TNFRSF12A: variants seen among roughly 807,000 people sequenced by gnomAD.
TNFRSF12A encodes the protein tumor necrosis factor receptor superfamily member 12A.
In TNFRSF12A, 13 loss-of-function variants were observed where a neutral mutation model predicts 15.5. That is an observed-to-expected ratio of 0.84 (90% CI 0.54 to 1.33). TNFRSF12A has a LOEUF of 1.33. Among genes scored for constraint, TNFRSF12A ranks in the 40% most tolerant of loss-of-function variants. The pLI, the probability that TNFRSF12A is intolerant of heterozygous loss-of-function variation, is 0.00. For synonymous variants in TNFRSF12A, 89 were observed against 78.4 expected (o/e 1.14, Z -0.71); for missense variants, 174 against 173.6 (o/e 1.00, Z -0.01).
In TNFRSF12A at chr16:3,021,707, T is replaced by C; in HGVS notation, c.334+18T>C. 1 of 1,612,254 alleles carries C rather than the reference T, an allele frequency of 6.2e-7. No individual in the cohort carries two copies. The highest frequency in any genetic ancestry group is 8.5e-7 in the Non-Finnish European group (1 of 1,178,958). On this transcript the variant is annotated intron_variant, in intron 3 of 3. Transcript: ENST00000326577. ...GTTCACCAGTAAGTGTGCCCTGGCCTGCCCAGCCCTGTCAGCACTCGACCT... is the reference window on the plus strand; with the variant it reads ...GTTCACCAGTAAGTGTGCCCTGGCCCGCCCAGCCCTGTCAGCACTCGACCT...
At position 3,021,689 on chromosome 16, in the gene TNFRSF12A, A is replaced by G. The variant is rs774461621; in HGVS notation, c.334A>G (p.Thr112Ala). The G allele has an allele frequency of 6.2e-7, 1 of 1,613,604 alleles. No individual in the cohort carries two copies. The highest frequency in any genetic ancestry group is 1.1e-5 in the South Asian group (1 of 91,034). ...RRCRRREKFTTPIEETGGEGC... is the reference protein window; with the variant it reads ...RRCRRREKFTAPIEETGGEGC... The stretch of plus-strand genomic sequence containing the variant: ...ATGCCGCAGGAGAGAGAAGTTCACC[A>G]GTAAGTGTGCCCTGGCCTGCCCAGC... The change falls in exon 3 of 4, where the codon ACC (threonine) becomes GCC (alanine). Residue 112 changes from threonine (T) to alanine (A), a missense_variant and splice_region_variant. Coordinates refer to ENST00000326577, the MANE Select transcript of TNFRSF12A (RefSeq NM_016639.3).
intron 1 of TNFRSF12A, 43 bp downstream of exon 1, chr16:3,020,534 G>A: frequency 8.0e-7 from 1 of 1,250,270 alleles, no homozygotes; most frequent in Non-Finnish European, 1.0e-6. Context: ...GCCGGGGCTC[G>A]GGAGCCGGAC....
chr16:3,021,176 G>A, intron 1 of TNFRSF12A, 39 bp from the exon 2 acceptor site: 1 of 1,155,982 alleles, frequency 8.7e-7, no homozygotes, highest in Non-Finnish European at 1.2e-6. Flanking sequence ...GAATAGCCGA[G>A]TCCCGCCCCC....
chr16:3,020,563 C>T (rs747968761), intron 1 of TNFRSF12A, 72 bp downstream of exon 1: 29 of 1,118,824 alleles, frequency 2.6e-5, no homozygotes, highest in Non-Finnish European at 3.2e-5. Flanking sequence ...TGGAGAACAG[C>T]GCCGAACTGG....
Position 3,020,408 on chromosome 16 carries a change from G to T in TNFRSF12A, c.11G>T (p.Gly4Val). 7.7e-7 allele frequency: 1 copy of T among 1,290,796 alleles called. No individual in the cohort carries two copies. The highest frequency in any genetic ancestry group is 9.8e-7 in the Non-Finnish European group (1 of 1,018,924). The allele number at this position is 1,290,796 out of a possible 1,614,324, so 80.0% of individuals were successfully genotyped here. ...CGCAGGACGTGCACTATGGCTCGGG[G>T]CTCGCTGCGCCGGTTGCTGCGGCTC... Reference protein sequence around the residue: MARGSLRRLLRLLV... With the variant: MARVSLRRLLRLLV... The change falls in exon 1 of 4, where the codon GGC (glycine) becomes GTC (valine). Residue 4 changes from glycine (G) to valine (V), a missense_variant. Coordinates refer to ENST00000326577, the MANE Select transcript of TNFRSF12A (RefSeq NM_016639.3).
At chr16:3,020,722 G>A (rs2072602047) in intron 1 of TNFRSF12A, 1 of 399,592 alleles carries the variant, frequency 2.5e-6, no homozygotes, top group African/African-American at 2.1e-5. Flanking sequence ...GGGGTCTTCA[G>A]TTCCACAAGT....
In TNFRSF12A at chr16:3,021,502, G is replaced by C. The variant is rs538341712; in HGVS notation, c.200-53G>C. 254 of 1,522,946 alleles carry C rather than the reference G, an allele frequency of 1.7e-4. 2 individuals are homozygous for C. The South Asian group carries it at 3.1e-3, about 18-fold the overall frequency. 94.3% of individuals were successfully genotyped at this position (1,522,946 alleles called of 1,614,324 possible). A position where few individuals can be genotyped will look rare whatever the true frequency, so the allele number is the denominator to read the frequency against. ...AGAAGGCAGAAGGCTCAGTCTTAGG[G>C]GGCGGGGCTGGCCTGGAGAGGGGCG... is the stretch of plus-strand genomic sequence containing the variant. On this transcript the variant is annotated intron_variant, in intron 2 of 3. Coordinates refer to ENST00000326577, the MANE Select transcript of TNFRSF12A (RefSeq NM_016639.3).
intron 2 of TNFRSF12A, 29 bp from the exon 3 acceptor site, chr16:3,021,526 C>G: frequency 6.4e-7 from 1 of 1,563,838 alleles, no homozygotes; most frequent in Non-Finnish European, 8.6e-7. Context: ...TGGAGAGGGG[C>G]GAGGTCTGAC....
chr16:3,021,165 A>C (rs1463894535), intron 1 of TNFRSF12A, 50 bp from the exon 2 acceptor site: 2 of 1,022,290 alleles, frequency 2.0e-6, no homozygotes, highest in Non-Finnish European at 2.8e-6. Context: ...CTCAGACCCC[A>C]GAATAGCCGA....
At chr16:3,020,787 G>C (rs8052002) in intron 1 of TNFRSF12A, 98,749 of 399,770 alleles carry the variant, frequency 0.25, 12,589 homozygotes, top group South Asian at 0.28. Context: ...GTTTAGTCTA[G>C]GAAGGGGCAC....
rs188709134 is a variant in TNFRSF12A at position 3,021,443 on chromosome 16, G to C, written c.200-112G>C. On this transcript the variant is annotated intron_variant, in intron 2 of 3. Coordinates refer to ENST00000326577, the MANE Select transcript of TNFRSF12A (RefSeq NM_016639.3). The stretch of plus-strand genomic sequence containing the variant: ...ATTCGGGAGGAGGTGGGAGCTGGGA[G>C]GGGGCTCCGGTCAGGGAGGAGGCCA... 230 of 1,426,076 alleles carry C rather than the reference G, an allele frequency of 1.6e-4. 1 individual carries two copies. The African/African-American group carries it at 3.1e-3, about 19-fold the overall frequency. The allele number at this position is 1,426,076 out of a possible 1,614,324, so 88.3% of individuals were successfully genotyped here.
chr16:3,020,834 C>T, intron 1 of TNFRSF12A: 1 of 408,002 alleles, frequency 2.5e-6, no homozygotes, highest in African/African-American at 2.1e-5. Context: ...TAACTAGCCC[C>T]AGTGATCGAC....
chr16:3,021,157 C>G (rs762444544), intron 1 of TNFRSF12A, 58 bp from the exon 2 acceptor site: 8 of 939,964 alleles, frequency 8.5e-6, no homozygotes, highest in Non-Finnish European at 1.2e-5. Flanking sequence ...ACCCTGACCT[C>G]AGACCCCAGA....
chr16:3,021,777 T>G lies in TNFRSF12A; in HGVS notation c.341T>G (p.Ile114Arg). Residue 114 changes from isoleucine (I) to arginine (R), a missense_variant, in exon 4 of 4, where the codon ATA becomes AGA. By Grantham distance (97) the Ile-to-Arg change is moderately conservative. Coordinates refer to ENST00000326577, the MANE Select transcript of TNFRSF12A (RefSeq NM_016639.3). ...CCCACCTCTTATCTTGCAGCCCCCA[T>G]AGAGGAGACCGGCGGAGAGGGCTGC... Reference protein sequence around the residue: ...CRRREKFTTPIEETGGEGCPA... With the variant: ...CRRREKFTTPREETGGEGCPA... The G allele has an allele frequency of 6.2e-7, 1 of 1,613,320 alleles. No homozygotes were observed.
In TNFRSF12A at chr16:3,020,408, G is replaced by A; in HGVS notation, c.11G>A (p.Gly4Asp). The A allele has an allele frequency of 3.9e-6, 5 of 1,290,796 alleles. No homozygotes were observed. The highest frequency in any genetic ancestry group is 4.9e-6 in the Non-Finnish European group (5 of 1,018,924). 80.0% of individuals were successfully genotyped at this position (1,290,796 alleles called of 1,614,324 possible). A position where few individuals can be genotyped will look rare whatever the true frequency, so the allele number is the denominator to read the frequency against. Residue 4 changes from glycine (G) to aspartate (D), a missense_variant, in exon 1 of 4, where the codon GGC (glycine) becomes GAC (aspartate). Transcript: ENST00000326577. MAR[G>D]SLRRLLRLLV... ...CGCAGGACGTGCACTATGGCTCGGG[G>A]CTCGCTGCGCCGGTTGCTGCGGCTC... is the stretch of plus-strand genomic sequence containing the variant.
At chr16:3,021,524 G>A (rs900151381) in intron 2 of TNFRSF12A, 31 bp from the exon 3 acceptor site, 16 of 1,561,860 alleles carry the variant, frequency 1.0e-5, no homozygotes, top group South Asian at 1.2e-5. Flanking sequence ...CCTGGAGAGG[G>A]GCGAGGTCTG....
rs962387977 is a variant in TNFRSF12A at position 3,021,016 on chromosome 16, A to AC, written c.95-191dup. 106 of 483,500 alleles carry AC rather than the reference A, an allele frequency of 2.2e-4. 1 individual carries two copies. The highest frequency in any genetic ancestry group is 4.2e-4 in the East Asian group (12 of 28,274). 30.0% of individuals were successfully genotyped at this position (483,500 alleles called of 1,614,324 possible). On this transcript the variant is annotated intron_variant, in intron 1 of 3. Coordinates refer to ENST00000326577, the MANE Select transcript of TNFRSF12A (RefSeq NM_016639.3). ...GCGGCAGGGGGGTTGTGGGGACCTG[A>AC]CCCCCCCCACCCCCAGCGTCCCGCG...
chr16:3,021,474 G>C, intron 2 of TNFRSF12A, 81 bp from the exon 3 acceptor site: 3 of 1,461,680 alleles, frequency 2.1e-6, no homozygotes, highest in Non-Finnish European at 2.7e-6. Context: ...GGCCACGTTT[G>C]GGAGAAGGCA....
chr16:3,021,321 T>G lies in TNFRSF12A; in HGVS notation c.199+2T>G. 1 of 1,573,170 alleles carries G rather than the reference T, an allele frequency of 6.4e-7. No homozygotes were observed. The highest frequency in any genetic ancestry group is 8.6e-7 in the Non-Finnish European group (1 of 1,166,036). On this transcript the variant is annotated splice_donor_variant, in intron 2 of 3. Coordinates refer to ENST00000326577, the MANE Select transcript of TNFRSF12A (RefSeq NM_016639.3). LOFTEE classifies it high-confidence loss of function. The stretch of plus-strand genomic sequence containing the variant: ...CGCACAGCGACTTCTGCCTGGGCTG[T>G]GAGTGGGGGGCAGGGCCAGTGGCCA...
Sources: gnomAD v4.1 joint callset for allele counts on GRCh38, gnomAD v4.1.1 for gene constraint, MANE v1.5 for transcripts, NCBI Gene and HGNC (gene_info 2026-07-23, HGNC 2026-07-21) for gene names.